Variants in ASH1L observed in about 807,000 individuals in gnomAD.
ASH1L encodes histone-lysine N-methyltransferase ASH1L.
Under a neutral mutation model 269.0 loss-of-function variants are expected in ASH1L, and 23 were observed. The observed-to-expected ratio is 0.09, with a 90% CI of 0.06 to 0.12. ASH1L has a LOEUF of 0.12. ASH1L is among the 10% of genes least tolerant of loss of function. The pLI is 1.00. For missense variants in ASH1L, 2,912 were observed against 3,567.8 expected (o/e 0.82, Z 4.68); for synonymous variants, 1,187 against 1,253.5 (o/e 0.95, Z 1.12).
intron 4 of ASH1L, among the ~76,000 whole-genome samples, chr1:155,448,960 A>G (rs1663247195): frequency 6.6e-6 from 1 of 150,630 alleles, no homozygotes; most frequent in African/African-American, 2.4e-5. Context: ...TTTTAAACGG[A>G]GTCTCGCTTT....
chr1:155,484,928 C>CAAAAAAAAAAAAAAA (rs761331437), intron 2 of ASH1L, among the ~76,000 whole-genome samples: 1 of 82,834 alleles, frequency 1.2e-5, no homozygotes, highest in Non-Finnish European at 2.2e-5. Context: ...TGCTCTGTCT[C>CAAAAAAAAAAAAAAA]AAAAAAAAAA....
rs764247635 is a variant in ASH1L, at chr1:155,481,281, G to T, written c.1589C>A (p.Pro530Gln). ...AGAAGCACCTCCCATTTTAAAGTCCGGAGAAGTGCAATATACAGGAGGCTG... is the reference window on the plus strand; with the variant it reads ...AGAAGCACCTCCCATTTTAAAGTCCTGAGAAGTGCAATATACAGGAGGCTG... ...EKQPPVYCTS[P>Q]DFKMGGASDV... Residue 530 changes from proline (P) to glutamine (Q), a missense_variant, in exon 3 of 28, where the codon CCG becomes CAG. Pro to Gln is a moderately conservative substitution (Grantham distance 76, BLOSUM62 -1). Around this residue, in one of 13 missense-constraint regions of ASH1L, gnomAD observed 715 missense variants for 721.0 expected, o/e 0.99. Coordinates refer to ENST00000392403, the MANE Select transcript of ASH1L (RefSeq NM_018489.3). 2 of 1,614,056 alleles carry T rather than the reference G, an allele frequency of 1.2e-6. 1 individual carries two copies.
At chr1:155,432,148 T>A (rs879878855) in intron 5 of ASH1L, among the ~76,000 whole-genome samples, 1 of 152,138 alleles carries the variant, frequency 6.6e-6, no homozygotes, top group Admixed American at 6.6e-5. Context: ...CTGTATCCCA[T>A]GCTACTCTAC....
Position 155,346,208 on chromosome 1 carries a change from C to T in ASH1L, c.7890+175G>A, listed in dbSNP as rs1446255003. 2.6e-6 allele frequency: 4 copies of T among 1,529,174 alleles called. No homozygotes were observed. The Middle Eastern group carries it at 5.1e-4, about 197-fold the overall frequency. 94.7% of individuals were successfully genotyped at this position (1,529,174 alleles called of 1,614,324 possible). A position where few individuals can be genotyped will look rare whatever the true frequency, so the allele number is the denominator to read the frequency against. On this transcript the variant is annotated intron_variant, in intron 21 of 27. Transcript: ENST00000392403. The stretch of plus-strand genomic sequence containing the variant: ...TTTTATTTTCCCTTTGGTCATACTC[C>T]TGAAATAGGGAAGAACAGAATTATG...
intron 2 of ASH1L, among the ~76,000 whole-genome samples, chr1:155,498,223 T>G (rs7523943): frequency 4.7e-4 from 72 of 152,130 alleles, no homozygotes; most frequent in African/African-American, 1.6e-3. Flanking sequence ...GCCAGGGGCT[T>G]CTAGGAGGGG....
chr1:155,513,807 C>G (rs2148823938), intron 2 of ASH1L, among the ~76,000 whole-genome samples: 1 of 152,120 alleles, frequency 6.6e-6, no homozygotes, highest in Non-Finnish European at 1.5e-5. Flanking sequence ...ATTAACTTAT[C>G]TAGTAAAATA....
chr1:155,538,641 C>CTTTTTTTT (rs35340905), intron 1 of ASH1L, among the ~76,000 whole-genome samples: 1 of 107,966 alleles, frequency 9.3e-6, no homozygotes, highest in Non-Finnish European at 1.8e-5. Context: ...TGTACCCAGC[C>CTTTTTTTT]TTTTTTTTTT....
chr1:155,342,592 T>G (rs1157330179), intron 24 of ASH1L, among the ~76,000 whole-genome samples: 1 of 152,234 alleles, frequency 6.6e-6, no homozygotes, highest in Non-Finnish European at 1.5e-5. Flanking sequence ...TCTAGGCAAC[T>G]GAACTCTGCT....
chr1:155,394,390 G>A (rs1658187588), intron 7 of ASH1L, among the ~76,000 whole-genome samples: 1 of 152,190 alleles, frequency 6.6e-6, no homozygotes, highest in Non-Finnish European at 1.5e-5. Flanking sequence ...TTTTAAGTAT[G>A]ATCTGGGTTA....
intron 3 of ASH1L, among the ~76,000 whole-genome samples, chr1:155,475,146 CTTTT>C (rs772513051): frequency 1.3e-5 from 2 of 151,198 alleles, no homozygotes; most frequent in East Asian, 1.9e-4. Context: ...TTCACTGTGG[CTTTT>C]TTTTTATTTT....
intron 1 of ASH1L, among the ~76,000 whole-genome samples, chr1:155,546,532 G>A (rs139322512): frequency 6.6e-5 from 10 of 152,050 alleles, no homozygotes; most frequent in East Asian, 1.9e-4. Context: ...AGGCCGAGGC[G>A]GGCAGATCAC....
In ASH1L at chr1:155,460,719, GTAAT is replaced by G. The variant is rs1438145694; in HGVS notation, c.4985-825_4985-822del. Among the ~76,000 whole-genome samples, 7 of 152,234 alleles carry G rather than the reference GTAAT, an allele frequency of 4.6e-5. No individual in the cohort carries two copies. In the East Asian group the frequency reaches 7.7e-4, roughly 17 times the overall value. On this transcript the variant is annotated intron_variant, in intron 3 of 27. Transcript: ENST00000392403. ...CCTTTTGCAAATTCTAGAAAAACTGGTAATTAATTTATCCATGAAATACAGTAAG... is the reference window on the plus strand; with the variant it reads ...CCTTTTGCAAATTCTAGAAAAACTGGTAATTTATCCATGAAATACAGTAAG...
intron 2 of ASH1L, among the ~76,000 whole-genome samples, chr1:155,506,071 G>A (rs199505127): frequency 6.6e-6 from 1 of 150,654 alleles, no homozygotes; most frequent in East Asian, 2.0e-4. Context: ...TCCCACCTAT[G>A]AGTGAGAACA....
intron 2 of ASH1L, among the ~76,000 whole-genome samples, chr1:155,508,859 G>C (rs1303284218): frequency 6.6e-6 from 1 of 152,030 alleles, no homozygotes; most frequent in Non-Finnish European, 1.5e-5. Flanking sequence ...ACCTAAATAG[G>C]CACAATAATA....
At chr1:155,542,181 A>C (rs1055280514) in intron 1 of ASH1L, among the ~76,000 whole-genome samples, 1 of 152,220 alleles carries the variant, frequency 6.6e-6, no homozygotes, top group Admixed American at 6.5e-5. Context: ...CACTGATCTC[A>C]ATCTTTAGGG....
rs1326130586 is a variant in ASH1L at position 155,481,467 on chromosome 1, T to C, written c.1403A>G (p.Asn468Ser). 10 of 1,614,146 alleles carry C rather than the reference T, an allele frequency of 6.2e-6. No homozygotes were observed. The highest frequency in any genetic ancestry group is 7.6e-6 in the Non-Finnish European group (9 of 1,179,992). Residue 468 changes from asparagine (N) to serine (S), a missense_variant, in exon 3 of 28, where the codon AAT becomes AGT. Physicochemically the swap from Asn to Ser is conservative, Grantham distance 46. Around this residue, in one of 13 missense-constraint regions of ASH1L, gnomAD observed 715 missense variants for 721.0 expected, o/e 0.99. Transcript: ENST00000392403. Reference sequence around the variant, plus strand: ...GCTTTCTTTATTCTGCCGTACAACATTCTTTTCAAAAGTTTTGCTGGTGGC... The same window carrying C: ...GCTTTCTTTATTCTGCCGTACAACACTCTTTTCAAAAGTTTTGCTGGTGGC... Reference protein sequence around the residue: ...DSATSKTFEKNVVRQNKESIL... With the variant: ...DSATSKTFEKSVVRQNKESIL...
intron 15 of ASH1L, among the ~76,000 whole-genome samples, chr1:155,355,979 C>A (rs1014163721): frequency 1.6e-4 from 24 of 150,686 alleles, no homozygotes; most frequent in Non-Finnish European, 2.5e-4. Context: ...CTCTTGCTGC[C>A]CAGGCTAGAG....
chr1:155,563,174 G>A (rs773466906), upstream of ASH1L: 7 of 456,928 alleles, frequency 1.5e-5, no homozygotes, highest in South Asian at 9.3e-5. Flanking sequence ...GCGCCCCTCT[G>A]CCCACCGGTG....
intron 3 of ASH1L, among the ~76,000 whole-genome samples, chr1:155,476,112 T>TG (rs1207281258): frequency 6.6e-6 from 1 of 152,038 alleles, no homozygotes; most frequent in Admixed American, 6.6e-5. Context: ...GCTGGCCGGG[T>TG]GCAGTGGCTC....
Sources: gnomAD v4.1 joint callset for allele counts (sites outside exome capture counted in the v4.1 genomes callset) on GRCh38, gnomAD v4.1.1 for gene constraint, gnomAD v4.1.1 regional missense constraint, MANE v1.5 for transcripts, NCBI Gene and HGNC (gene_info 2026-07-23, HGNC 2026-07-21) for gene names.